The following CCM2L variants were observed in gnomAD, a reference collection of about 807,000 sequenced individuals.
CCM2L encodes CCM2 like scaffold protein, also known as cerebral cavernous malformations 2 protein-like.
In CCM2L, 36 loss-of-function variants were observed where a neutral mutation model predicts 54.1. The observed-to-expected ratio is 0.67, with a 90% confidence interval of 0.51 to 0.88. The LOEUF (loss-of-function observed/expected upper bound fraction) is 0.88, where lower values mean the gene tolerates loss of function less well. CCM2L is among the 40% of genes least tolerant of loss of function. The probability of loss-of-function intolerance (pLI) is 0.00; values close to 1 mark genes in which losing one functional copy is unlikely to be tolerated. For synonymous variants in CCM2L, 351 were observed against 359.3 expected, an observed-to-expected ratio of 0.98 and a Z score of 0.26; for missense variants, 700 against 812.1, an observed-to-expected ratio of 0.86 and a Z score of 1.68.
chr20:32,028,712 G>A (rs1275115973), intron 7 of CCM2L: 1 of 447,168 alleles, frequency 2.2e-6, no homozygotes, highest in African/African-American at 2.0e-5. Context: ...GCAAAAGGGA[G>A]GGGAAAGGAG....
In CCM2L at chr20:32,019,004, C is replaced by T. The variant is rs2064770909; in HGVS notation, c.528C>T (p.Asp176=). 4 of 1,345,474 alleles carry T rather than the reference C, an allele frequency of 3.0e-6. No individual in the cohort carries two copies. Among genetic ancestry groups the T allele is most frequent in the Non-Finnish European group, 3.8e-6 (4 of 1,056,200 alleles). The allele number at this position is 1,345,474 out of a possible 1,614,324, so 83.3% of individuals were successfully genotyped here. A position where few individuals can be genotyped will look rare whatever the true frequency, so the allele number is the denominator to read the frequency against. ...CCAGCCCAGGCGGCGCAGGACGCGA[C>T]CCCGGCCCGCCAGGCGGGGCGCCCG... ...VDASPGGAGR[D]PGPPGGAPEK... Residue 176 remains aspartate (D), a synonymous_variant, in exon 5 of 10, where the codon GAC becomes GAT. Coordinates refer to ENST00000452892, the MANE Select transcript of CCM2L (RefSeq NM_001365692.1).
At chr20:32,029,563 C>A (rs2064899068) in intron 8 of CCM2L, 137 bp from the exon 9 acceptor site, 1 of 1,126,084 alleles carries the variant, frequency 8.9e-7, no homozygotes, top group Non-Finnish European at 1.2e-6. Flanking sequence ...ATCTAGATGT[C>A]CTCTGAATAG....
At chr20:32,016,662 G>A (rs1203756653) in intron 2 of CCM2L, among the ~76,000 whole-genome samples, 2 of 151,918 alleles carry the variant, frequency 1.3e-5, no homozygotes, top group East Asian at 1.9e-4. Flanking sequence ...GCCCCCCCAC[G>A]CCCGCCAAAA....
intron 5 of CCM2L, among the ~76,000 whole-genome samples, chr20:32,022,173 A>G (rs903765248): frequency 2.6e-5 from 4 of 152,186 alleles, no homozygotes; most frequent in African/African-American, 9.6e-5. Flanking sequence ...AATTTTATTT[A>G]TCCTGTTTCC....
rs757862201 is a variant in CCM2L, at chr20:32,017,888, G to A, written c.282+5G>A. On this transcript the variant is annotated splice_donor_5th_base_variant and intron_variant, in intron 3 of 9. Transcript: ENST00000452892. ...CAGCTGCTAGACACCGCCAGGGTGA[G>A]ACTCTGGGGAGGGAGGAGGGCAGGA... 4 of 1,613,724 alleles carry A rather than the reference G, an allele frequency of 2.5e-6. No individual in the cohort carries two copies. In the East Asian group the frequency reaches 8.9e-5, roughly 36 times the overall value.
At chr20:32,017,734 G>A in intron 2 of CCM2L, 66 bp from the exon 3 acceptor site, 3 of 1,276,214 alleles carry the variant, frequency 2.4e-6, no homozygotes, top group African/African-American at 2.9e-5. Context: ...CAATGAGAAG[G>A]CCAGGGTTCT....
rs768108255 is a variant in CCM2L, at chr20:32,015,061, A to G, written c.188A>G (p.Lys63Arg). The stretch of plus-strand genomic sequence containing the variant: ...ATTCTGCTGTGTGACTACCTGGAGA[A>G]AGAGGTCAAGGTGCGTGCAGGATGA... ...PQILLCDYLE[K>R]EVKFLGHLTW... Residue 63 changes from lysine (K) to arginine (R), a missense_variant, in exon 2 of 10, where the codon AAA (lysine) becomes AGA (arginine). Coordinates refer to ENST00000452892, the MANE Select transcript of CCM2L (RefSeq NM_001365692.1). 1 of 1,520,920 alleles carries G rather than the reference A, an allele frequency of 6.6e-7. No individual in the cohort carries two copies. The highest frequency in any genetic ancestry group is 8.8e-7 in the Non-Finnish European group (1 of 1,137,208). 94.2% of individuals were successfully genotyped at this position (1,520,920 alleles called of 1,614,324 possible). A position where few individuals can be genotyped will look rare whatever the true frequency, so the allele number is the denominator to read the frequency against.
Position 32,018,969 on chromosome 20 carries a change from G to A in CCM2L, c.493G>A (p.Gly165Ser), listed in dbSNP as rs1270699441. The change falls in exon 5 of 10, where the codon GGC becomes AGC. Residue 165 changes from glycine to serine, a missense_variant. By Grantham distance (56) the Gly-to-Ser change is moderately conservative. Transcript: ENST00000452892. ...TGLGVDPVPA[G>S]VDASPGGAGR... is the part of the protein sequence containing the mutation. Reference sequence around the variant, plus strand: ...TCTGGGTGTGGACCCGGTGCCGGCCGGCGTGGATGCCAGCCCAGGCGGCGC... The same window carrying A: ...TCTGGGTGTGGACCCGGTGCCGGCCAGCGTGGATGCCAGCCCAGGCGGCGC... 2.1e-6 allele frequency: 3 copies of A among 1,402,880 alleles called. No individual in the cohort carries two copies. Among genetic ancestry groups the A allele is most frequent in the Non-Finnish European group, 1.8e-6 (2 of 1,083,082 alleles). 86.9% of individuals were successfully genotyped at this position (1,402,880 alleles called of 1,614,324 possible).
Position 32,022,721 on chromosome 20 carries a change from A to G in CCM2L, c.995A>G (p.Gln332Arg). 4 of 1,614,168 alleles carry G rather than the reference A, an allele frequency of 2.5e-6. No homozygotes were observed. Among genetic ancestry groups the G allele is most frequent in the Non-Finnish European group, 3.4e-6 (4 of 1,180,044 alleles). ...CQVFQIIYGD[Q>R]SIECVDRAGY... is the part of the protein sequence containing the mutation. ...GTCTTCCAGATCATCTACGGGGACC[A>G]GAGTATTGAGTGTGTGGACCGGGCT... is the stretch of plus-strand genomic sequence containing the variant. The change falls in exon 6 of 10, where the codon CAG (glutamine) becomes CGG (arginine). Residue 332 changes from glutamine to arginine, a missense_variant. Gln to Arg is a conservative substitution (Grantham distance 43). Coordinates refer to ENST00000452892, the MANE Select transcript of CCM2L (RefSeq NM_001365692.1).
At chr20:32,028,910 T>C in intron 7 of CCM2L, 85 bp from the exon 8 acceptor site, 1 of 1,570,258 alleles carries the variant, frequency 6.4e-7, no homozygotes, top group Non-Finnish European at 8.7e-7. Context: ...GCATGCAGTC[T>C]AGGATGAGGC....
At position 32,019,232 on chromosome 20, in the gene CCM2L, A is replaced by AGGCGGCGGCGGCGGCGGC. The variant is rs749268099; in HGVS notation, c.761_778dup (p.Gly254_Gly259dup). 8.7e-7 allele frequency: 1 copy of AGGCGGCGGCGGCGGCGGC among 1,149,052 alleles called. No homozygotes were observed. Among genetic ancestry groups the AGGCGGCGGCGGCGGCGGC allele is most frequent in the African/African-American group, 1.6e-5 (1 of 61,284 alleles). The allele number at this position is 1,149,052 out of a possible 1,614,324, so 71.2% of individuals were successfully genotyped here. On this transcript the variant is annotated inframe_insertion, in exon 5 of 10. Transcript: ENST00000452892. ...GCGGCAGCTGGGAGCGGCGGCACGGAGGCGGCGGCGGCGGCGGCGGCGCGG... is the reference window on the plus strand; with the variant it reads ...GCGGCAGCTGGGAGCGGCGGCACGGAGGCGGCGGCGGCGGCGGCGGCGGCGGCGGCGGCGGCGGCGCGG...
At chr20:32,023,161 G>A (rs992116426) in intron 6 of CCM2L, among the ~76,000 whole-genome samples, 10 of 151,854 alleles carry the variant, frequency 6.6e-5, no homozygotes, top group African/African-American at 1.9e-4. Flanking sequence ...TATTAGAGAC[G>A]GGGTTTCACC....
Position 32,031,174 on chromosome 20 carries a change from G to T in CCM2L, c.1576G>T (p.Glu526Ter). ...RSYDGAAQRP[E>*]AQAFHRLLAD... ...CTACGATGGCGCGGCGCAGCGGCCC[G>T]AGGCACAGGCCTTCCACCGGCTGCT... is the stretch of plus-strand genomic sequence containing the variant. The change falls in exon 10 of 10, where the codon GAG (glutamate) becomes TAG (stop). Residue 526 changes from glutamate (E) to a stop codon, truncating the protein, a stop_gained. Transcript: ENST00000452892. LOFTEE classifies it high-confidence loss of function. The T allele has an allele frequency of 7.7e-7, 1 of 1,302,264 alleles. No homozygotes were observed. The highest frequency in any genetic ancestry group is 1.0e-6 in the Non-Finnish European group (1 of 988,490). 80.7% of individuals were successfully genotyped at this position (1,302,264 alleles called of 1,614,324 possible). A position where few individuals can be genotyped will look rare whatever the true frequency, so the allele number is the denominator to read the frequency against.
At position 32,019,150 on chromosome 20, in the gene CCM2L, AGCGCCAGCGCGCCGGG is replaced by A; in HGVS notation, c.679_694del (p.Gln227GlyfsTer77). On this transcript the variant is annotated frameshift_variant, in exon 5 of 10. Coordinates refer to ENST00000452892, the MANE Select transcript of CCM2L (RefSeq NM_001365692.1). LOFTEE classifies it high-confidence loss of function. ...GGGGGAGGCGGCGGCGGCAGCTTGG[AGCGCCAGCGCGCCGGG>A]GCGCGGGCGTCGGGCAGCTGGGAGC... 8.9e-7 allele frequency: 1 copy of A among 1,122,544 alleles called. No individual in the cohort carries two copies. Among genetic ancestry groups the A allele is most frequent in the Non-Finnish European group, 1.1e-6 (1 of 914,032 alleles). 69.5% of individuals were successfully genotyped at this position (1,122,544 alleles called of 1,614,324 possible).
At chr20:32,015,173 T>C (rs2064731416) in intron 2 of CCM2L, 102 bp downstream of exon 2, 1 of 1,214,272 alleles carries the variant, frequency 8.2e-7, no homozygotes, top group Middle Eastern at 2.2e-4. Flanking sequence ...ACAGGGGAAG[T>C]TGTGGCTCAT....
Position 32,022,742 on chromosome 20 carries a change from G to T in CCM2L, c.1016G>T (p.Arg339Leu). ...GACCAGAGTATTGAGTGTGTGGACC[G>T]GGCTGGCTACCACTACACATCCACA... Reference protein sequence around the residue: ...YGDQSIECVDRAGYHYTSTPE... With the variant: ...YGDQSIECVDLAGYHYTSTPE... Residue 339 changes from arginine to leucine, a missense_variant, in exon 6 of 10, where the codon CGG becomes CTG. Coordinates refer to ENST00000452892, the MANE Select transcript of CCM2L (RefSeq NM_001365692.1). 6.2e-7 allele frequency: 1 copy of T among 1,613,708 alleles called. No individual in the cohort carries two copies. Among genetic ancestry groups the T allele is most frequent in the Non-Finnish European group, 8.5e-7 (1 of 1,179,960 alleles).
At chr20:32,027,491 T>G (rs2064873710) in intron 7 of CCM2L, among the ~76,000 whole-genome samples, 1 of 152,240 alleles carries the variant, frequency 6.6e-6, no homozygotes, top group Non-Finnish European at 1.5e-5. Context: ...TAATTCTAAG[T>G]GTTCTACAAA....
chr20:32,015,150 A>C, intron 2 of CCM2L, 79 bp downstream of exon 2: 1 of 1,352,086 alleles, frequency 7.4e-7, no homozygotes. Flanking sequence ...AGTTCTGATC[A>C]GCCGTATCTC....
intron 7 of CCM2L, among the ~76,000 whole-genome samples, chr20:32,027,083 CA>C (rs1568925495): frequency 6.6e-6 from 1 of 152,106 alleles, no homozygotes; most frequent in East Asian, 1.9e-4. Context: ...GAACATTACC[CA>C]GGGTTCTGTT....
Sources: allele counts gnomAD v4.1 joint callset (sites outside exome capture counted in the v4.1 genomes callset), GRCh38; gene constraint gnomAD v4.1.1; transcripts MANE v1.5; gene names NCBI Gene and HGNC (gene_info 2026-07-23, HGNC 2026-07-21).